LRPPRC: variants seen among roughly 807,000 people sequenced by gnomAD.
The protein encoded by LRPPRC is leucine rich pentatricopeptide repeat containing.
A neutral mutation model predicts 180.3 loss-of-function variants in LRPPRC; 120 were observed. The ratio of observed to expected loss-of-function variants is 0.67; its 90% confidence interval spans 0.57 to 0.77. The LOEUF is 0.77. Ranked by LOEUF, LRPPRC falls within the 30% of genes least tolerant of loss-of-function variation. LRPPRC has a pLI of 0.00. For synonymous variants in LRPPRC, 723 were observed against 600.0 expected (o/e 1.21, Z -3.00); for missense variants, 2,012 against 1,657.2 (o/e 1.21, Z -3.72).
At position 43,943,801 on chromosome 2, in the gene LRPPRC, GC is replaced by G; in HGVS notation, c.2389del (p.Ala797LeufsTer2). 1.2e-6 allele frequency: 2 copies of G among 1,613,436 alleles called. No individual in the cohort carries two copies. Among genetic ancestry groups the G allele is most frequent in the Non-Finnish European group, 1.7e-6 (2 of 1,179,456 alleles). ...TACTGTTTCAATTTCACCTCTTAAAGCTGCGCCATTTAGCATGTGGAAAAAG... is the reference window on the plus strand; with the variant it reads ...TACTGTTTCAATTTCACCTCTTAAAGTGCGCCATTTAGCATGTGGAAAAAG... ...LSFFHMLNGA[A>X]LRGEIETVKQ... On this transcript the variant is annotated frameshift_variant, in exon 23 of 38. Coordinates refer to ENST00000260665, the MANE Select transcript of LRPPRC (RefSeq NM_133259.4). LOFTEE classifies it high-confidence loss of function.
intron 25 of LRPPRC, among the ~76,000 whole-genome samples, chr2:43,928,028 AAC>A (rs1293719825): frequency 6.6e-6 from 1 of 152,242 alleles, no homozygotes; most frequent in Non-Finnish European, 1.5e-5. Context: ...AACATGAAAA[AAC>A]AGTTAATGTT....
chr2:43,915,798 T>C (rs962055779), intron 29 of LRPPRC, among the ~76,000 whole-genome samples: 2 of 152,228 alleles, frequency 1.3e-5, no homozygotes, highest in Non-Finnish European at 2.9e-5. Context: ...CTTTCTTTTT[T>C]TGAGATAGGG....
intron 25 of LRPPRC, among the ~76,000 whole-genome samples, chr2:43,928,578 A>G (rs1458251786): frequency 6.6e-6 from 1 of 152,096 alleles, no homozygotes; most frequent in Non-Finnish European, 1.5e-5. Flanking sequence ...CAAGGGCTTT[A>G]AAGAAGGGAC....
In LRPPRC at chr2:43,925,096, T is replaced by C; in HGVS notation, c.2867A>G (p.Gln956Arg). 1 of 1,594,750 alleles carries C rather than the reference T, an allele frequency of 6.3e-7. No individual in the cohort carries two copies. Among genetic ancestry groups the C allele is most frequent in the East Asian group, 2.2e-5 (1 of 44,752 alleles). The change falls in exon 27 of 38, where the codon CAG (glutamine) becomes CGG (arginine). Residue 956 changes from glutamine to arginine, a missense_variant. Transcript: ENST00000260665. The part of the protein sequence containing the change: ...TQKLFECDRD[Q>R]MYYNLLKLYK... Reference sequence around the variant, plus strand: ...CAGTTTTAGCAGATTGTAGTACATCTGGTCTCTATCACATTCAAATAGCTT... The same window carrying C: ...CAGTTTTAGCAGATTGTAGTACATCCGGTCTCTATCACATTCAAATAGCTT...
chr2:43,935,914 T>A (rs973131139), intron 23 of LRPPRC, among the ~76,000 whole-genome samples: 1 of 151,938 alleles, frequency 6.6e-6, no homozygotes, highest in South Asian at 2.1e-4. Flanking sequence ...AGAAACCCCA[T>A]CTCTATTAAA....
intron 1 of LRPPRC, among the ~76,000 whole-genome samples, chr2:43,986,469 T>C (rs1674531160): frequency 1.3e-5 from 2 of 152,176 alleles, no homozygotes; most frequent in Admixed American, 6.5e-5. Flanking sequence ...CTTTTTTTCT[T>C]CTTCACTGAT....
intron 11 of LRPPRC, among the ~76,000 whole-genome samples, chr2:43,971,616 C>G (rs955737454): frequency 2.1e-5 from 3 of 144,258 alleles, no homozygotes; most frequent in African/African-American, 8.1e-5. Flanking sequence ...CTTTGATTTT[C>G]TGAAGAGATG....
At position 43,912,216 on chromosome 2, in the gene LRPPRC, G is replaced by A. The variant is rs202087025; in HGVS notation, c.3275+216C>T. The stretch of plus-strand genomic sequence containing the variant: ...ATTGTGATGGAATATAACTTAGTAA[G>A]CAAAATGTACTGCACTGTATATGGC... On this transcript the variant is annotated intron_variant, in intron 30 of 37. Coordinates refer to ENST00000260665, the MANE Select transcript of LRPPRC (RefSeq NM_133259.4). Among the ~76,000 whole-genome samples, 10 of 152,178 alleles carry A rather than the reference G, an allele frequency of 6.6e-5. 1 individual carries two copies. The East Asian group carries it at 1.9e-3, about 29-fold the overall frequency.
In LRPPRC at chr2:43,934,898, G is replaced by C. The variant is rs1572939607; in HGVS notation, c.2505-20C>G. The C allele has an allele frequency of 1.9e-6, 3 of 1,607,336 alleles. No individual in the cohort carries two copies. The highest frequency in any genetic ancestry group is 2.6e-6 in the Non-Finnish European group (3 of 1,174,580). ...TCGCCCCTTAGAAACAAAAAAATTA[G>C]CAATGAATAAAATAAATCGAATTCA... On this transcript the variant is annotated intron_variant, in intron 23 of 37. Transcript: ENST00000260665.
chr2:43,896,400 T>G, intron 35 of LRPPRC: 1 of 408,652 alleles, frequency 2.4e-6, no homozygotes, highest in Non-Finnish European at 4.5e-6. Flanking sequence ...GGCCTTTTCT[T>G]GGGGCTCTCA....
At position 43,946,141 on chromosome 2, in the gene LRPPRC, C is replaced by A; in HGVS notation, c.2182G>T (p.Glu728Ter). 1 of 1,612,554 alleles carries A rather than the reference C, an allele frequency of 6.2e-7. No individual in the cohort carries two copies. The highest frequency in any genetic ancestry group is 8.5e-7 in the Non-Finnish European group (1 of 1,178,822). The change falls in exon 21 of 38, where the codon GAA (glutamate) becomes TAA (stop). Residue 728 changes from glutamate (E) to a stop codon, truncating the protein, a stop_gained. Transcript: ENST00000260665. LOFTEE classifies it high-confidence loss of function. ...INLCCRHDKV[E>*]DALNLKEEFD... Reference sequence around the variant, plus strand: ...TCTTCTTTCAAGTTCAAGGCATCTTCTACTTTATCATGTCGACAGCATAAA... The same window carrying A: ...TCTTCTTTCAAGTTCAAGGCATCTTATACTTTATCATGTCGACAGCATAAA...
intron 1 of LRPPRC, among the ~76,000 whole-genome samples, chr2:43,985,807 T>C (rs1343330873): frequency 6.6e-6 from 1 of 152,246 alleles, no homozygotes; most frequent in Non-Finnish European, 1.5e-5. Flanking sequence ...GTGAAGGTTT[T>C]GGTATGGACA....
intron 11 of LRPPRC, among the ~76,000 whole-genome samples, chr2:43,966,247 TAA>T (rs60292399): frequency 7.1e-6 from 1 of 141,276 alleles, no homozygotes; most frequent in Admixed American, 7.1e-5. Context: ...TGGAATCTAC[TAA>T]AAAAAAAAAA....
intron 1 of LRPPRC, among the ~76,000 whole-genome samples, chr2:43,991,418 T>C (rs1029544776): frequency 4.6e-5 from 7 of 152,170 alleles, no homozygotes; most frequent in Non-Finnish European, 1.0e-4. Context: ...GAAATAAAAA[T>C]CACACCATCC....
intron 14 of LRPPRC, 109 bp downstream of exon 14, chr2:43,957,276 T>C: frequency 3.7e-6 from 3 of 814,672 alleles, no homozygotes; most frequent in Non-Finnish European, 6.5e-6. Context: ...GTAAACTGAA[T>C]GTACACTGAA....
At chr2:43,956,297 A>C (rs564600649) in intron 14 of LRPPRC, among the ~76,000 whole-genome samples, 2 of 152,316 alleles carry the variant, frequency 1.3e-5, no homozygotes, top group Non-Finnish European at 2.9e-5. Flanking sequence ...AACTTGTTAA[A>C]GTGGGAAAAT....
chr2:43,920,490 T>C (rs1464207255), intron 27 of LRPPRC, among the ~76,000 whole-genome samples: 1 of 152,152 alleles, frequency 6.6e-6, no homozygotes, highest in Non-Finnish European at 1.5e-5. Flanking sequence ...TGGCAGAAAT[T>C]AACCTAAAGT....
chr2:43,977,083 A>T (rs780395466), intron 4 of LRPPRC, 31 bp from the exon 5 acceptor site: 12 of 1,610,474 alleles, frequency 7.5e-6, no homozygotes, highest in Non-Finnish European at 9.3e-6. Context: ...TTAATTTTAA[A>T]TATACTTTTT....
rs567515842 is a variant in LRPPRC at position 43,921,321 on chromosome 2, G to A, written c.2897-2923C>T. Among the ~76,000 whole-genome samples the A allele has an allele frequency of 3.3e-5, 5 of 152,134 alleles. No individual in the cohort carries two copies. In the South Asian group the frequency reaches 1.0e-3, roughly 32 times the overall value. On this transcript the variant is annotated intron_variant, in intron 27 of 37. Coordinates refer to ENST00000260665, the MANE Select transcript of LRPPRC (RefSeq NM_133259.4). The stretch of plus-strand genomic sequence containing the variant: ...GGACTAAAATAAAACACAAATACAT[G>A]TTAAGAACCCATAAATTCATTTTTT...
Sources: gnomAD v4.1 joint callset for allele counts (sites outside exome capture counted in the v4.1 genomes callset) on GRCh38, gnomAD v4.1.1 for gene constraint, MANE v1.5 for transcripts, NCBI Gene and HGNC (gene_info 2026-07-23, HGNC 2026-07-21) for gene names.